RGS7: variants seen among roughly 807,000 people sequenced by gnomAD.
The protein encoded by RGS7 is regulator of G-protein signaling 7.
RGS7 carries 27 observed loss-of-function variants against 81.1 expected under a neutral mutation model. That is an observed-to-expected ratio of 0.33 (90% CI 0.25 to 0.46). The LOEUF (loss-of-function observed/expected upper bound fraction) is 0.46. Ranked by LOEUF, RGS7 falls within the 20% of genes least tolerant of loss-of-function variation. RGS7 has a pLI of 1.00. For missense variants in RGS7, 396 were observed against 607.4 expected (o/e 0.65, Z 3.66); for synonymous variants, 208 against 207.7 (o/e 1.00, Z -0.01).
chr1:240,868,287 CTG>C lies in RGS7; in HGVS notation c.609+298_609+299del, dbSNP rs990661079. Among the ~76,000 whole-genome samples, 1 of 152,130 alleles carries C rather than the reference CTG, an allele frequency of 6.6e-6. No homozygotes were observed. The highest frequency in any genetic ancestry group is 2.4e-5 in the African/African-American group (1 of 41,424). On this transcript the variant is annotated intron_variant, in intron 9 of 18. Transcript: ENST00000440928. The surrounding 1 kb of genome is among the most constrained non-coding windows in gnomAD (Gnocchi z 5.1). ...AATGTAAACAATAAAACATGAAAAA[CTG>C]TTTTGTTGCAGTAGTTTTTCTTTCA...
chr1:240,985,076 G>T (rs1031859457), intron 3 of RGS7, among the ~76,000 whole-genome samples: 1 of 152,228 alleles, frequency 6.6e-6, no homozygotes, highest in African/African-American at 2.4e-5. Flanking sequence ...GAAGGCAGTT[G>T]ACCGTGTCCC....
chr1:241,180,409 C>A (rs12753876), intron 2 of RGS7, among the ~76,000 whole-genome samples: 60,744 of 151,794 alleles, frequency 0.4, 12,701 homozygotes, highest in Middle Eastern at 0.46. Context: ...ACAACAACAA[C>A]AAAAAACACA....
intron 13 of RGS7, among the ~76,000 whole-genome samples, chr1:240,813,259 T>C (rs1006229029): frequency 6.6e-6 from 1 of 152,230 alleles, no homozygotes; most frequent in African/African-American, 2.4e-5. Flanking sequence ...TAAGTATGTA[T>C]GGCTTTAGCA....
intron 2 of RGS7, among the ~76,000 whole-genome samples, chr1:241,178,830 T>G (rs956952177): frequency 2.6e-5 from 4 of 152,232 alleles, no homozygotes; most frequent in African/African-American, 9.6e-5. Context: ...AAACATTTTA[T>G]CAATTACCAT....
intron 2 of RGS7, among the ~76,000 whole-genome samples, chr1:241,282,484 T>G (rs1411549929): frequency 6.6e-6 from 1 of 152,242 alleles, no homozygotes; most frequent in African/African-American, 2.4e-5. Context: ...TGTATATTTC[T>G]TGGAATTTTC....
chr1:241,091,590 TAAA>T (rs2063884811), intron 3 of RGS7, among the ~76,000 whole-genome samples: 1 of 136,128 alleles, frequency 7.3e-6, no homozygotes, highest in Non-Finnish European at 1.6e-5. Context: ...AATAAATAAA[TAAA>T]TAAAAAAGCT....
chr1:241,344,940 T>C (rs1292827362), intron 2 of RGS7, among the ~76,000 whole-genome samples: 1 of 152,188 alleles, frequency 6.6e-6, no homozygotes, highest in Non-Finnish European at 1.5e-5. Flanking sequence ...ATGCGAATGC[T>C]CATTGCAGCA....
At chr1:240,828,937 G>A (rs547019478) in intron 9 of RGS7, among the ~76,000 whole-genome samples, 3 of 152,324 alleles carry the variant, frequency 2.0e-5, no homozygotes, top group Admixed American at 2.0e-4. Context: ...CTTCCGTGGA[G>A]TTGGGGTGGG....
chr1:241,309,405 GGAAAAA>G (rs1404081367), intron 2 of RGS7, among the ~76,000 whole-genome samples: 1 of 112,154 alleles, frequency 8.9e-6, no homozygotes, highest in Non-Finnish European at 1.9e-5. Flanking sequence ...AAAAAAAAAA[GGAAAAA>G]GAAAAAGAAA....
intron 2 of RGS7, among the ~76,000 whole-genome samples, chr1:241,103,285 T>C (rs1045810964): frequency 6.6e-6 from 1 of 152,154 alleles, no homozygotes; most frequent in African/African-American, 2.4e-5. Flanking sequence ...GAGTTGTGTG[T>C]TTTCACTTCC....
intron 2 of RGS7, among the ~76,000 whole-genome samples, chr1:241,297,914 C>G (rs1044954939): frequency 6.6e-6 from 1 of 152,152 alleles, no homozygotes; most frequent in Admixed American, 6.5e-5. Context: ...ACCAAATGAC[C>G]TGGGCATCCT....
At chr1:240,825,439 T>C (rs904357655) in intron 10 of RGS7, among the ~76,000 whole-genome samples, 1 of 152,234 alleles carries the variant, frequency 6.6e-6, no homozygotes, top group Non-Finnish European at 1.5e-5. Context: ...AAGCTACATT[T>C]ATCAAAAGGT....
chr1:240,779,261 A>T (rs894809545), intron 18 of RGS7, among the ~76,000 whole-genome samples: 2 of 151,710 alleles, frequency 1.3e-5, no homozygotes, highest in African/African-American at 4.8e-5. Context: ...GGTTCAAGCG[A>T]TTCTCCTACC....
rs573433560 is a variant in RGS7 at position 240,970,956 on chromosome 1, A to G, written c.226+12123T>C. 4.3e-4 allele frequency among the ~76,000 whole-genome samples: 66 copies of G among 152,312 alleles called. 1 individual carries two copies. In the Middle Eastern group the frequency reaches 0.017, roughly 39 times the overall value. ...ATTGCACCGCTGCACTCCAGCCTGCATGATACAGGGAGATTCCGTCTCAAA... is the reference window on the plus strand; with the variant it reads ...ATTGCACCGCTGCACTCCAGCCTGCGTGATACAGGGAGATTCCGTCTCAAA... On this transcript the variant is annotated intron_variant, in intron 4 of 18. Transcript: ENST00000440928.
At chr1:241,019,156 G>A (rs1162240441) in intron 3 of RGS7, among the ~76,000 whole-genome samples, 2 of 152,086 alleles carry the variant, frequency 1.3e-5, no homozygotes, top group African/African-American at 4.8e-5. Flanking sequence ...TCAGTTTCCA[G>A]AAATTCATCA....
chr1:241,224,519 T>C (rs1018557536), intron 2 of RGS7, among the ~76,000 whole-genome samples: 1 of 152,060 alleles, frequency 6.6e-6, no homozygotes, highest in Non-Finnish European at 1.5e-5. Flanking sequence ...ATATAACATA[T>C]ATTTTCCCAA....
At chr1:240,896,355 G>A (rs149754586) in intron 6 of RGS7, among the ~76,000 whole-genome samples, 2,511 of 152,184 alleles carry the variant, frequency 0.016, 90 homozygotes, top group African/African-American at 0.058. Flanking sequence ...TGAAGTCCTC[G>A]CCCACGCCTA....
chr1:241,313,062 G>A (rs1438592593), intron 2 of RGS7, among the ~76,000 whole-genome samples: 1 of 152,180 alleles, frequency 6.6e-6, no homozygotes, highest in Non-Finnish European at 1.5e-5. Flanking sequence ...ATCCTATGAA[G>A]GCTGAGAGGT....
intron 2 of RGS7, among the ~76,000 whole-genome samples, chr1:241,132,745 G>A (rs7520542): frequency 0.31 from 34,745 of 111,612 alleles, 4,442 homozygotes; most frequent in African/African-American, 0.53. Flanking sequence ...CTTATTATTT[G>A]TTTGTTTGTT....
Sources: gnomAD v4.1 joint callset for allele counts (sites outside exome capture counted in the v4.1 genomes callset) on GRCh38, gnomAD v4.1.1 for gene constraint, Gnocchi (gnomAD v3.1) non-coding constraint, MANE v1.5 for transcripts, NCBI Gene and HGNC (gene_info 2026-07-23, HGNC 2026-07-21) for gene names.